The following NALF1 variants were observed in gnomAD, a reference collection of about 807,000 sequenced individuals.
NALF1 encodes NALCN channel auxiliary factor 1, also known as family with sequence similarity 155 member A.
Under a neutral mutation model 48.4 loss-of-function variants are expected in NALF1, and 3 were observed. The ratio of observed to expected loss-of-function variants is 0.06; its 90% CI spans 0.03 to 0.16. The LOEUF (loss-of-function observed/expected upper bound fraction) is 0.16. Ranked by LOEUF, NALF1 falls within the 10% of genes least tolerant of loss-of-function variation. The probability of loss-of-function intolerance (pLI) is 1.00; values close to 1 mark genes in which losing one functional copy is unlikely to be tolerated. For synonymous variants in NALF1, 262 were observed against 245.7 expected, an observed-to-expected ratio of 1.07 and a Z score of -0.62; for missense variants, 526 against 571.5, an observed-to-expected ratio of 0.92 and a Z score of 0.81.
chr13:107,492,602 C>T (rs1240257826), intron 1 of NALF1, among the ~76,000 whole-genome samples: 1 of 152,144 alleles, frequency 6.6e-6, no homozygotes, highest in African/African-American at 2.4e-5. Context: ...TCTGGAACTG[C>T]AATTCTACAG....
intron 1 of NALF1, among the ~76,000 whole-genome samples, chr13:107,245,179 C>T (rs947613517): frequency 6.6e-6 from 1 of 151,988 alleles, no homozygotes; most frequent in Non-Finnish European, 1.5e-5. Flanking sequence ...ATTTACAAAG[C>T]GACTAAGTGA....
chr13:107,744,162 T>C (rs1397035398), intron 1 of NALF1, among the ~76,000 whole-genome samples: 1 of 152,154 alleles, frequency 6.6e-6, no homozygotes, highest in Admixed American at 6.5e-5. Context: ...AGAGAGACCT[T>C]TGAGTCAGAC....
At chr13:107,513,199 A>C (rs1478289530) in intron 1 of NALF1, among the ~76,000 whole-genome samples, 1 of 152,158 alleles carries the variant, frequency 6.6e-6, no homozygotes, top group East Asian at 1.9e-4. Context: ...TGGGGTCTAT[A>C]TTTGGGGAAT....
In NALF1 at chr13:107,168,781, G is replaced by T. The variant is rs1417480602; in HGVS notation, c.*1716C>A. ...TCGCAGGGTTAAGTATGATGCAGAGGTTAAAGTCTGTTTGAACAAAAACAA... is the reference window on the plus strand; with the variant it reads ...TCGCAGGGTTAAGTATGATGCAGAGTTTAAAGTCTGTTTGAACAAAAACAA... On this transcript the variant is annotated 3_prime_UTR_variant, in exon 3 of 3. Coordinates refer to ENST00000375915, the MANE Select transcript of NALF1 (RefSeq NM_001080396.3). The T allele has an allele frequency of 6.6e-6, 1 of 152,500 alleles. No homozygotes were observed. Among genetic ancestry groups the T allele is most frequent in the Non-Finnish European group, 1.5e-5 (1 of 68,016 alleles). 9.4% of individuals were successfully genotyped at this position (152,500 alleles called of 1,614,324 possible).
intron 1 of NALF1, among the ~76,000 whole-genome samples, chr13:107,503,030 A>G (rs1344979885): frequency 6.6e-6 from 1 of 152,074 alleles, no homozygotes; most frequent in Non-Finnish European, 1.5e-5. Context: ...GCTCAATTCT[A>G]CCAGCAGACT....
chr13:107,200,880 G>A (rs1049097844), intron 2 of NALF1, among the ~76,000 whole-genome samples: 2 of 152,098 alleles, frequency 1.3e-5, no homozygotes, highest in Non-Finnish European at 2.9e-5. Context: ...ACTTTAGTGC[G>A]GCCACAGGAC....
intron 1 of NALF1, among the ~76,000 whole-genome samples, chr13:107,381,493 G>A (rs927083752): frequency 5.9e-5 from 9 of 151,966 alleles, no homozygotes; most frequent in Non-Finnish European, 1.3e-4. Flanking sequence ...ACCACACCCG[G>A]TAGAAAACAG....
At chr13:107,802,519 ATGCT>A (rs1487191558) in intron 1 of NALF1, among the ~76,000 whole-genome samples, 1 of 152,114 alleles carries the variant, frequency 6.6e-6, no homozygotes, top group Non-Finnish European at 1.5e-5. Context: ...AAATTATTGT[ATGCT>A]TATTTTTTTC....
chr13:107,306,463 T>G (rs978244338), intron 1 of NALF1, among the ~76,000 whole-genome samples: 9 of 152,168 alleles, frequency 5.9e-5, no homozygotes, highest in African/African-American at 2.2e-4. Context: ...TAATGAAATC[T>G]GATACTTCAA....
chr13:107,834,394 T>C (rs1235011981), intron 1 of NALF1, among the ~76,000 whole-genome samples: 1 of 152,200 alleles, frequency 6.6e-6, no homozygotes, highest in African/African-American at 2.4e-5. Flanking sequence ...TTTTTAACGT[T>C]TTTTATAACT....
At chr13:107,388,719 C>G (rs1883571469) in intron 1 of NALF1, among the ~76,000 whole-genome samples, 1 of 152,112 alleles carries the variant, frequency 6.6e-6, no homozygotes, top group African/African-American at 2.4e-5. Flanking sequence ...ATTGAGCCTG[C>G]ATAGCCACAG....
intron 1 of NALF1, among the ~76,000 whole-genome samples, chr13:107,576,921 G>A (rs1476682854): frequency 6.6e-6 from 1 of 152,112 alleles, no homozygotes; most frequent in Non-Finnish European, 1.5e-5. Context: ...GAGAAAATAG[G>A]AGCCAGCATT....
intron 1 of NALF1, among the ~76,000 whole-genome samples, chr13:107,373,320 A>G (rs4444189): frequency 0.51 from 77,516 of 152,004 alleles, 20,332 homozygotes; most frequent in East Asian, 0.68. Context: ...GAGATCGAAG[A>G]TTTTGAATAC....
Position 107,547,325 on chromosome 13 carries a change from A to G in NALF1, c.915+318357T>C, listed in dbSNP as rs371312755. On this transcript the variant is annotated intron_variant, in intron 1 of 2. Coordinates refer to ENST00000375915, the MANE Select transcript of NALF1 (RefSeq NM_001080396.3). ...ATCCAGAAAAATTGAATTTTGTTAT[A>G]AAATCCCAGATTCTTTAATTTGACA... Among the ~76,000 whole-genome samples, 123 of 152,330 alleles carry G rather than the reference A, an allele frequency of 8.1e-4. No homozygotes were observed. In the South Asian group the frequency reaches 0.025, roughly 31 times the overall value.
At chr13:107,769,757 A>G (rs945878610) in intron 1 of NALF1, among the ~76,000 whole-genome samples, 2 of 152,152 alleles carry the variant, frequency 1.3e-5, no homozygotes, top group Admixed American at 6.5e-5. Flanking sequence ...TAACCCTTAT[A>G]TAATCCACCA....
At chr13:107,389,494 G>A (rs1883585690) in intron 1 of NALF1, among the ~76,000 whole-genome samples, 4 of 152,168 alleles carry the variant, frequency 2.6e-5, no homozygotes, top group Admixed American at 2.6e-4. Context: ...GGGCTGGGAA[G>A]CTCTCAGGAA....
At chr13:107,452,566 T>A (rs370617027) in intron 1 of NALF1, among the ~76,000 whole-genome samples, 2 of 152,136 alleles carry the variant, frequency 1.3e-5, no homozygotes, top group Admixed American at 1.3e-4. Flanking sequence ...CCTGGACATG[T>A]GAGGATTATC....
intron 1 of NALF1, among the ~76,000 whole-genome samples, chr13:107,292,980 G>GTTTTTC (rs1288728932): frequency 0.012 from 1,590 of 130,110 alleles, 176 homozygotes; most frequent in African/African-American, 0.025. Flanking sequence ...CTCCGTTATA[G>GTTTTTC]TTTTTCTTTT....
chr13:107,772,642 C>G (rs753860690), intron 1 of NALF1, among the ~76,000 whole-genome samples: 21 of 152,244 alleles, frequency 1.4e-4, no homozygotes, highest in Non-Finnish European at 2.5e-4. Flanking sequence ...TTACAGCAGG[C>G]TTTTCTAAAA....
Sources: gnomAD v4.1 joint callset for allele counts (sites outside exome capture counted in the v4.1 genomes callset) on GRCh38, gnomAD v4.1.1 for gene constraint, MANE v1.5 for transcripts, NCBI Gene and HGNC (gene_info 2026-07-23, HGNC 2026-07-21) for gene names.